LDHB: variants seen among roughly 807,000 people sequenced by gnomAD.
The protein encoded by LDHB is L-lactate dehydrogenase B chain.
LDHB carries 18 observed loss-of-function variants against 33.4 expected under a neutral mutation model. That is an observed-to-expected ratio of 0.54 (90% CI 0.37 to 0.80). LDHB has a LOEUF of 0.80. Ranked by LOEUF, LDHB falls within the 30% of genes least tolerant of loss-of-function variation. The pLI is 0.00. For missense variants in LDHB, 345 were observed against 407.9 expected, an observed-to-expected ratio of 0.85 and a Z score of 1.33; for synonymous variants, 121 against 140.6, an observed-to-expected ratio of 0.86 and a Z score of 0.98.
intron 5 of LDHB, among the ~76,000 whole-genome samples, chr12:21,640,797 T>C (rs1248102108): frequency 6.6e-6 from 1 of 151,834 alleles, no homozygotes; most frequent in Non-Finnish European, 1.5e-5. Context: ...GCTGGTGCAA[T>C]TTATTGTGCA....
At chr12:21,642,177 G>C (rs779948128) in intron 4 of LDHB, 52 bp from the exon 5 acceptor site, 1 of 1,387,140 alleles carries the variant, frequency 7.2e-7, no homozygotes, top group Non-Finnish European at 1.0e-6. Flanking sequence ...AACTTCAACT[G>C]TTAGGCAGCT....
In LDHB at chr12:21,650,151, C is replaced by CACACACATATAT. The variant is rs142403823; in HGVS notation, c.130-3136_130-3135insATATATGTGTGT. Among the ~76,000 whole-genome samples, 96 of 32,754 alleles carry CACACACATATAT rather than the reference C, an allele frequency of 2.9e-3. 1 individual carries two copies. The highest frequency in any genetic ancestry group is 7.4e-3 in the African/African-American group (86 of 11,618). 21.5% of individuals were successfully genotyped at this position (32,754 alleles called of 152,430 possible). A position where few individuals can be genotyped will look rare whatever the true frequency, so the allele number is the denominator to read the frequency against. On this transcript the variant is annotated intron_variant, in intron 2 of 7. Coordinates refer to ENST00000350669, the MANE Select transcript of LDHB (RefSeq NM_002300.8). ...ACACACACACACACACACACACACA[C>CACACACATATAT]GTCTCTCTCTCCAAGTGTTTAGTAT...
At chr12:21,644,588 C>T (rs966363012) in intron 3 of LDHB, among the ~76,000 whole-genome samples, 1 of 152,062 alleles carries the variant, frequency 6.6e-6, no homozygotes, top group Admixed American at 6.5e-5. Flanking sequence ...AGCTTATTTG[C>T]TTTTTAGCGC....
At chr12:21,645,121 A>C (rs768472810) in intron 3 of LDHB, among the ~76,000 whole-genome samples, 58 of 152,180 alleles carry the variant, frequency 3.8e-4, no homozygotes, top group Admixed American at 1.5e-3. Context: ...ACTCAGGGTT[A>C]AATGGATTAA....
At chr12:21,650,859 TAAAC>T (rs1938670904) in intron 2 of LDHB, among the ~76,000 whole-genome samples, 1 of 152,226 alleles carries the variant, frequency 6.6e-6, no homozygotes, top group Admixed American at 6.5e-5. Flanking sequence ...AAATAGGAAT[TAAAC>T]AAACAACAAA....
chr12:21,643,784 T>C, intron 4 of LDHB, 151 bp downstream of exon 4: 1 of 651,672 alleles, frequency 1.5e-6, no homozygotes, highest in South Asian at 1.8e-5. Flanking sequence ...GCATTTGTTT[T>C]GCAAACACCA....
intron 2 of LDHB, among the ~76,000 whole-genome samples, chr12:21,651,428 T>C (rs369897336): frequency 6.6e-4 from 100 of 152,350 alleles, no homozygotes; most frequent in African/African-American, 2.3e-3. Flanking sequence ...AGTCTTCATA[T>C]GGTGGGACAC....
Position 21,635,641 on chromosome 12 carries a change from G to A in LDHB, c.906C>T (p.Thr302=). Residue 302 remains threonine (T), a synonymous_variant, in exon 8 of 8, where the codon ACC becomes ACT. Coordinates refer to ENST00000350669, the MANE Select transcript of LDHB (RefSeq NM_002300.8). ...LPCILNARGL[T]SVINQKLKDD... The stretch of plus-strand genomic sequence containing the variant: ...CCTTTAGCTTCTGGTTGATAACGCT[G>A]GTTAATCCCCGGGCATTGAGGATAC... 6.2e-7 allele frequency: 1 copy of A among 1,613,548 alleles called. No individual in the cohort carries two copies. The highest frequency in any genetic ancestry group is 8.5e-7 in the Non-Finnish European group (1 of 1,179,710).
At chr12:21,637,997 C>T (rs1938262933) in intron 6 of LDHB, among the ~76,000 whole-genome samples, 1 of 151,914 alleles carries the variant, frequency 6.6e-6, no homozygotes, top group Non-Finnish European at 1.5e-5. Flanking sequence ...AATCAGCAAG[C>T]AAGTTTATTT....
intron 1 of LDHB, among the ~76,000 whole-genome samples, chr12:21,654,960 A>C (rs566880226): frequency 1.1e-4 from 16 of 151,972 alleles, no homozygotes; most frequent in Non-Finnish European, 1.6e-4. Context: ...GTCTCTACTA[A>C]AAAAAAGAAA....
chr12:21,642,840 G>A (rs1035416172), intron 4 of LDHB, among the ~76,000 whole-genome samples: 8 of 152,172 alleles, frequency 5.3e-5, no homozygotes, highest in South Asian at 2.1e-4. Flanking sequence ...CAATGGCTAA[G>A]ATAATTCAAG....
Position 21,654,656 on chromosome 12 carries a change from C to G in LDHB, c.16G>C (p.Glu6Gln). MATLK[E>Q]KLIAPVAEEE... ...TCCGCAACTGGTGCAATGAGTTTTT[C>G]CTTAAGAGTTGCCATTTTGCACTGC... is the stretch of plus-strand genomic sequence containing the variant. Residue 6 changes from glutamate (E) to glutamine (Q), a missense_variant, in exon 2 of 8, where the codon GAA becomes CAA. By Grantham distance (29) the Glu-to-Gln change is conservative. Transcript: ENST00000350669. 1 of 1,613,920 alleles carries G rather than the reference C, an allele frequency of 6.2e-7. No individual in the cohort carries two copies. The highest frequency in any genetic ancestry group is 8.5e-7 in the Non-Finnish European group (1 of 1,179,828).
intron 2 of LDHB, among the ~76,000 whole-genome samples, chr12:21,650,631 T>C (rs1938662513): frequency 2.0e-5 from 3 of 152,160 alleles, no homozygotes; most frequent in African/African-American, 4.8e-5. Context: ...GTAGTTAAAA[T>C]GCAGAGTCTG....
At chr12:21,648,257 TAC>T (rs1295826000) in intron 2 of LDHB, among the ~76,000 whole-genome samples, 5 of 152,016 alleles carry the variant, frequency 3.3e-5, no homozygotes, top group Admixed American at 6.6e-5. Flanking sequence ...AAAATGCCAA[TAC>T]AGTCATTCCT....
At position 21,641,980 on chromosome 12, in the gene LDHB, C is replaced by A. The variant is rs766595383; in HGVS notation, c.567G>T (p.Trp189Cys). The A allele has an allele frequency of 1.6e-5, 26 of 1,613,058 alleles. No homozygotes were observed. The East Asian group carries it at 5.6e-4, about 35-fold the overall frequency. The stretch of plus-strand genomic sequence containing the variant: ...TTGAGTCGCCATGTTCCCCCAAAAT[C>A]CATCCATGGCAGCTGCTGGGATGAA... ...LGIHPSSCHGWILGEHGDSSV... is the reference protein window; with the variant it reads ...LGIHPSSCHGCILGEHGDSSV... The change falls in exon 5 of 8, where the codon TGG becomes TGT. Residue 189 changes from tryptophan (W) to cysteine (C), a missense_variant. Physicochemically the swap from Trp to Cys is radical, Grantham distance 215 (BLOSUM62 -2). Coordinates refer to ENST00000350669, the MANE Select transcript of LDHB (RefSeq NM_002300.8).
Position 21,635,588 on chromosome 12 carries a change from C to T in LDHB, c.959G>A (p.Ser320Asn). 1 of 1,612,846 alleles carries T rather than the reference C, an allele frequency of 6.2e-7. No individual in the cohort carries two copies. ...CTGGATGTCCCACAGGGTATCTGCA[C>T]TTTTCTTGAGCTGAGCAACCTCATC... is the stretch of plus-strand genomic sequence containing the variant. Reference protein sequence around the residue: ...KDDEVAQLKKSADTLWDIQKD... With the variant: ...KDDEVAQLKKNADTLWDIQKD... Residue 320 changes from serine (S) to asparagine (N), a missense_variant, in exon 8 of 8, where the codon AGT becomes AAT. Transcript: ENST00000350669.
At chr12:21,644,424 CA>C (rs72491634) in intron 3 of LDHB, among the ~76,000 whole-genome samples, 1,633 of 15,276 alleles carry the variant, frequency 0.11, 24 homozygotes, top group African/African-American at 0.19. Flanking sequence ...AGGTAGACAT[CA>C]AAAAAAAAAA....
chr12:21,643,011 G>A (rs548638894), intron 4 of LDHB, among the ~76,000 whole-genome samples: 53 of 152,218 alleles, frequency 3.5e-4, no homozygotes, highest in Non-Finnish European at 7.5e-4. Flanking sequence ...CTAGCTACTT[G>A]TCATTCCTAT....
chr12:21,656,138 C>T (rs1398754690), intron 1 of LDHB, among the ~76,000 whole-genome samples: 3 of 152,094 alleles, frequency 2.0e-5, no homozygotes, highest in Admixed American at 1.3e-4. Flanking sequence ...TAACTGTATA[C>T]GTAAAGTAAG....
Sources: gnomAD v4.1 joint callset for allele counts (sites outside exome capture counted in the v4.1 genomes callset) on GRCh38, gnomAD v4.1.1 for gene constraint, MANE v1.5 for transcripts, NCBI Gene and HGNC (gene_info 2026-07-23, HGNC 2026-07-21) for gene names.